KRT80: variants seen among roughly 807,000 people sequenced by gnomAD.
The protein encoded by KRT80 is keratin 80, also known as keratin, type II cytoskeletal 80.
A neutral mutation model predicts 51.5 loss-of-function variants in KRT80; 36 were observed. The observed-to-expected ratio is 0.70, with a 90% CI of 0.54 to 0.92. KRT80 has a LOEUF of 0.92. Ranked by LOEUF, KRT80 falls within the 40% of genes least tolerant of loss-of-function variation. The probability of loss-of-function intolerance (pLI) is 0.00; values close to 1 mark genes in which losing one functional copy is unlikely to be tolerated. For synonymous variants in KRT80, 235 were observed against 248.3 expected, an observed-to-expected ratio of 0.95 and a Z score of 0.50; for missense variants, 566 against 591.7, an observed-to-expected ratio of 0.96 and a Z score of 0.45.
intron 4 of KRT80, among the ~76,000 whole-genome samples, chr12:52,176,059 A>G (rs1262619234): frequency 6.6e-6 from 1 of 152,216 alleles, no homozygotes; most frequent in African/African-American, 2.4e-5. Context: ...CACTGTGAGG[A>G]CGCACTATAG....
In KRT80 at chr12:52,185,427, T is replaced by C. The variant is rs764420356; in HGVS notation, c.461A>G (p.Glu154Gly). Residue 154 changes from glutamate (E) to glycine (G), a missense_variant, in exon 2 of 9, where the codon GAG becomes GGG. By Grantham distance (98) the Glu-to-Gly change is moderately conservative. Coordinates refer to ENST00000394815, the MANE Select transcript of KRT80 (RefSeq NM_182507.3). ...CTCCAGCACCTGCAGCAGGTTGGCC[T>C]CCAGCTGCCCCCGCTCCTGGCTCAC... ...RKVSQERGQL[E>G]ANLLQVLEKV... The C allele has an allele frequency of 6.2e-7, 1 of 1,614,076 alleles. No homozygotes were observed. The highest frequency in any genetic ancestry group is 1.7e-5 in the Admixed American group (1 of 60,024).
intron 2 of KRT80, among the ~76,000 whole-genome samples, chr12:52,183,191 T>C (rs1015696043): frequency 3.9e-5 from 6 of 152,220 alleles, no homozygotes; most frequent in Non-Finnish European, 8.8e-5. Context: ...TGCTGATCCT[T>C]GGGGTTTCTG....
In KRT80 at chr12:52,173,064, AC is replaced by A; in HGVS notation, c.930del (p.Ser311ProfsTer11). The A allele has an allele frequency of 6.2e-7, 1 of 1,612,462 alleles. No individual in the cohort carries two copies. Among genetic ancestry groups the A allele is most frequent in the African/African-American group, 1.3e-5 (1 of 74,962 alleles). On this transcript the variant is annotated frameshift_variant, in exon 6 of 9. Transcript: ENST00000394815. LOFTEE classifies it high-confidence loss of function. ...TGGCTCTTGACAGAGAGGATCTGGG[AC>A]CGCAGCTTCTGGATGCGCACATTGA... Reference protein sequence around the residue: ...ADLNVRIQKLRSQILSVKSHC... With the variant: ...ADLNVRIQKLXSQILSVKSHC...
Position 52,176,805 on chromosome 12 carries a change from C to A in KRT80, c.667-3041G>T, listed in dbSNP as rs142020593. Among the ~76,000 whole-genome samples, 236 of 152,306 alleles carry A rather than the reference C, an allele frequency of 1.5e-3. 6 individuals are homozygous for A. The East Asian group carries it at 0.041, about 27-fold the overall frequency. On this transcript the variant is annotated intron_variant, in intron 4 of 8. Transcript: ENST00000394815. ...CAATCACTTCTTATTAGTTGAGTAA[C>A]CCTGGTCAAGTTTTTAAATGTGTCT...
At chr12:52,172,991 C>G (rs749777260) in intron 6 of KRT80, 47 bp downstream of exon 6, 1 of 1,579,496 alleles carries the variant, frequency 6.3e-7, no homozygotes, top group South Asian at 1.1e-5. Context: ...GACTGTGTGT[C>G]TCCCTGCTCT....
intron 4 of KRT80, among the ~76,000 whole-genome samples, chr12:52,180,127 A>G (rs1941294430): frequency 6.6e-6 from 1 of 152,254 alleles, no homozygotes; most frequent in South Asian, 2.1e-4. Context: ...TTTAGGCTGC[A>G]GGAATTAGGG....
rs1033869761 is a variant in KRT80 at position 52,191,702 on chromosome 12, G to T, written c.201C>A (p.Pro67=). 1 of 1,613,826 alleles carries T rather than the reference G, an allele frequency of 6.2e-7. No individual in the cohort carries two copies. The highest frequency in any genetic ancestry group is 1.7e-5 in the Admixed American group (1 of 60,012). ...KVTVNPGLLV[P]LDVKLDPAVQ... ...CAGCGGGGTCCAACTTGACATCCAG[G>T]GGCACCAGCAGGCCGGGGTTCACAG... The change falls in exon 1 of 9, where the codon CCC becomes CCA. Residue 67 remains proline, a synonymous_variant. Transcript: ENST00000394815.
Position 52,185,465 on chromosome 12 carries a change from C to G in KRT80, c.423G>C (p.Glu141Asp). The stretch of plus-strand genomic sequence containing the variant: ...GCTCCTGGCTCACTTTGCGCAGTTC[C>G]TCCTGCAGCCGGCCCTGATATTCCT... ...LYEEYQGRLQEELRKVSQERG... is the reference protein window; with the variant it reads ...LYEEYQGRLQDELRKVSQERG... Residue 141 changes from glutamate to aspartate, a missense_variant, in exon 2 of 9, where the codon GAG becomes GAC. Transcript: ENST00000394815. 6.2e-7 allele frequency: 1 copy of G among 1,614,090 alleles called. No homozygotes were observed. The highest frequency in any genetic ancestry group is 2.2e-5 in the East Asian group (1 of 44,882).
intron 4 of KRT80, among the ~76,000 whole-genome samples, chr12:52,175,770 C>G (rs1941207822): frequency 6.6e-6 from 1 of 152,102 alleles, no homozygotes. Context: ...AATAGAATCT[C>G]TGGGCAAAAG....
intron 4 of KRT80, among the ~76,000 whole-genome samples, chr12:52,176,560 C>A (rs1941227149): frequency 6.6e-6 from 1 of 151,422 alleles, no homozygotes; most frequent in South Asian, 2.1e-4. Flanking sequence ...TGGCTCACTG[C>A]AACCTCTGCC....
intron 3 of KRT80, 32 bp from the exon 4 acceptor site, chr12:52,180,640 G>A: frequency 6.5e-7 from 1 of 1,535,736 alleles, no homozygotes; most frequent in Non-Finnish European, 8.8e-7. Flanking sequence ...AGTGGTGGGA[G>A]AGGGAATGGA....
Position 52,171,257 on chromosome 12 carries a change from T to C in KRT80, c.*141A>G, listed in dbSNP as rs1831444629. 2 of 876,960 alleles carry C rather than the reference T, an allele frequency of 2.3e-6. No homozygotes were observed. Among genetic ancestry groups the C allele is most frequent in the Non-Finnish European group, 3.5e-6 (2 of 571,908 alleles). 54.3% of individuals were successfully genotyped at this position (876,960 alleles called of 1,614,324 possible). A position where few individuals can be genotyped will look rare whatever the true frequency, so the allele number is the denominator to read the frequency against. On this transcript the variant is annotated 3_prime_UTR_variant, in exon 9 of 9. Transcript: ENST00000394815. ...CACCCTGGCAGCCCACAAAACACAG[T>C]CAGTTTTGAACCCCTCTCTCAGTTC...
chr12:52,173,486 A>C, intron 5 of KRT80, 114 bp downstream of exon 5: 6 of 1,005,146 alleles, frequency 6.0e-6, no homozygotes, highest in East Asian at 2.6e-5. Context: ...TTCCTCTCTC[A>C]TAGACTTTCA....
intron 2 of KRT80, among the ~76,000 whole-genome samples, chr12:52,183,716 T>C (rs1009021161): frequency 2.0e-5 from 3 of 152,244 alleles, no homozygotes; most frequent in African/African-American, 4.8e-5. Flanking sequence ...AGTTACAAAG[T>C]GCTTCCATGG....
intron 4 of KRT80, among the ~76,000 whole-genome samples, chr12:52,179,616 T>C (rs151094063): frequency 6.6e-6 from 1 of 152,334 alleles, no homozygotes; most frequent in Non-Finnish European, 1.5e-5. Context: ...GATGCAGCCA[T>C]GAAGCTGTGG....
intron 1 of KRT80, 188 bp from the exon 2 acceptor site, chr12:52,185,775 A>G (rs926121820): frequency 2.5e-5 from 32 of 1,304,394 alleles, no homozygotes; most frequent in Middle Eastern, 1.9e-4. Context: ...AGATGGTGAG[A>G]TAAGGACAGG....
intron 1 of KRT80, among the ~76,000 whole-genome samples, chr12:52,189,243 G>A (rs936330): frequency 0.79 from 120,508 of 151,910 alleles, 48,625 homozygotes; most frequent in African/African-American, 0.95. Flanking sequence ...GCCCTGCGCC[G>A]TACCTCCTGC....
In KRT80 at chr12:52,173,164, C is replaced by A. The variant is rs757562586; in HGVS notation, c.832-1G>T. On this transcript the variant is annotated splice_acceptor_variant, in intron 5 of 8. Coordinates refer to ENST00000394815, the MANE Select transcript of KRT80 (RefSeq NM_182507.3). LOFTEE classifies it high-confidence loss of function. The stretch of plus-strand genomic sequence containing the variant: ...CCGAGCGGGCGGCCTGCTCCTCCAG[C>A]TGGAGGTACATGGAGGTCTCAGTGA... 6.2e-7 allele frequency: 1 copy of A among 1,607,270 alleles called. No homozygotes were observed. The highest frequency in any genetic ancestry group is 1.8e-4 in the Middle Eastern group (1 of 5,408).
intron 1 of KRT80, among the ~76,000 whole-genome samples, chr12:52,190,524 G>A (rs1941464184): frequency 6.6e-6 from 1 of 152,264 alleles, no homozygotes; most frequent in South Asian, 2.1e-4. Context: ...GCAACATGCA[G>A]AGGAACACAG....
Sources: gnomAD v4.1 joint callset for allele counts (sites outside exome capture counted in the v4.1 genomes callset) on GRCh38, gnomAD v4.1.1 for gene constraint, MANE v1.5 for transcripts, NCBI Gene and HGNC (gene_info 2026-07-23, HGNC 2026-07-21) for gene names.